The following MTSS2 variants were observed in gnomAD, a reference collection of about 807,000 sequenced individuals.
MTSS2 encodes protein MTSS 2.
MTSS2 carries 27 observed loss-of-function variants against 67.1 expected under a neutral mutation model. The ratio of observed to expected loss-of-function variants is 0.40; its 90% CI spans 0.30 to 0.55. The LOEUF is 0.55. MTSS2 is among the 20% of genes least tolerant of loss of function. The probability of loss-of-function intolerance (pLI) is 0.43; values close to 1 mark genes in which losing one functional copy is unlikely to be tolerated. For synonymous variants in MTSS2, 624 were observed against 468.6 expected (o/e 1.33, Z -4.28); for missense variants, 1,171 against 1,067.8 (o/e 1.10, Z -1.35).
chr16:70,663,463 C>T lies in MTSS2; in HGVS notation c.*214G>A. 1.1e-6 allele frequency: 1 copy of T among 885,016 alleles called. No individual in the cohort carries two copies. Among genetic ancestry groups the T allele is most frequent in the Non-Finnish European group, 1.6e-6 (1 of 612,954 alleles). The allele number at this position is 885,016 out of a possible 1,614,324, so 54.8% of individuals were successfully genotyped here. On this transcript the variant is annotated 3_prime_UTR_variant, in exon 15 of 15. Coordinates refer to ENST00000338779, the MANE Select transcript of MTSS2 (RefSeq NM_138383.3). ...CATAAAACAGACCCCGAACCAGGCCCAGGCCTGCAGGCTCCGTCCTGGCCA... is the reference window on the plus strand; with the variant it reads ...CATAAAACAGACCCCGAACCAGGCCTAGGCCTGCAGGCTCCGTCCTGGCCA...
At position 70,685,743 on chromosome 16, in the gene MTSS2, C is replaced by G; in HGVS notation, c.49G>C (p.Ala17Pro). The change falls in exon 1 of 15, where the codon GCC becomes CCC. Residue 17 changes from alanine to proline, a missense_variant. Ala to Pro is a conservative substitution (Grantham distance 27, BLOSUM62 -1). Around this residue, in one of 2 missense-constraint regions of MTSS2, gnomAD observed 247 missense variants for 311.8 expected, o/e 0.79. Coordinates refer to ENST00000338779, the MANE Select transcript of MTSS2 (RefSeq NM_138383.3). Reference sequence around the variant, plus strand: ...GTTACCTTCATGTCGTTGACTATGGCCTGGAAGAGCCCGCCCAGGGCGCCG... The same window carrying G: ...GTTACCTTCATGTCGTTGACTATGGGCTGGAAGAGCCCGCCCAGGGCGCCG... ...ECGALGGLFQ[A>P]IVNDMKSSYP... 2 of 1,393,988 alleles carry G rather than the reference C, an allele frequency of 1.4e-6. No homozygotes were observed. The highest frequency in any genetic ancestry group is 1.9e-6 in the Non-Finnish European group (2 of 1,054,196). The allele number at this position is 1,393,988 out of a possible 1,614,324, so 86.4% of individuals were successfully genotyped here. A position where few individuals can be genotyped will look rare whatever the true frequency, so the allele number is the denominator to read the frequency against.
chr16:70,681,673 G>A (rs1007469020), intron 1 of MTSS2, among the ~76,000 whole-genome samples: 1 of 152,258 alleles, frequency 6.6e-6, no homozygotes, highest in South Asian at 2.1e-4. Context: ...GCGGCCAACA[G>A]AGCCACCTTT....
chr16:70,679,269 C>CGACAAG, intron 7 of MTSS2, 46 bp downstream of exon 7: 1 of 1,610,924 alleles, frequency 6.2e-7, no homozygotes. Context: ...CAGACAAATG[C>CGACAAG]GACAAGGACG....
At chr16:70,676,018 G>A (rs945829767) in intron 10 of MTSS2, among the ~76,000 whole-genome samples, 1 of 152,184 alleles carries the variant, frequency 6.6e-6, no homozygotes, top group African/African-American at 2.4e-5. Context: ...ACTGTGGGAC[G>A]GCCACCCACG....
At position 70,663,717 on chromosome 16, in the gene MTSS2, C is replaced by G; in HGVS notation, c.2204G>C (p.Arg735Thr). The G allele has an allele frequency of 6.3e-7, 1 of 1,585,994 alleles. No homozygotes were observed. The highest frequency in any genetic ancestry group is 8.6e-7 in the Non-Finnish European group (1 of 1,167,932). The part of the protein sequence containing the change: ...VAIRRGVRLR[R>T]TVTNDRSAPR... ...CGCCGACCTGTCGTTGGTGACGGTC[C>G]TGCGGAGCCGGACCCCACGCCGGAT... is the stretch of plus-strand genomic sequence containing the variant. Residue 735 changes from arginine to threonine, a missense_variant, in exon 15 of 15, where the codon AGG becomes ACG. Physicochemically the swap from Arg to Thr is moderately conservative, Grantham distance 71. Around this residue, in one of 2 missense-constraint regions of MTSS2, gnomAD observed 924 missense variants for 756.0 expected, o/e 1.22. Coordinates refer to ENST00000338779, the MANE Select transcript of MTSS2 (RefSeq NM_138383.3).
rs1348126692 is a variant in MTSS2, at chr16:70,679,771, C to T, written c.382+15G>A. 5.0e-6 allele frequency: 8 copies of T among 1,611,062 alleles called. No homozygotes were observed. In the South Asian group the frequency reaches 8.8e-5, roughly 18 times the overall value. On this transcript the variant is annotated intron_variant, in intron 5 of 14. Transcript: ENST00000338779. ...GGAGTGGGGGGTGGGAAGCCCGGCT[C>T]CGCGCCACCCTCACCTTTCGCGTGG...
rs1322511131 is a variant in MTSS2, at chr16:70,665,452, C to T, written c.1128+14G>A. On this transcript the variant is annotated intron_variant, in intron 12 of 14. Coordinates refer to ENST00000338779, the MANE Select transcript of MTSS2 (RefSeq NM_138383.3). ...AGCTGGTGACTGTCCTGGGGCCGGG[C>T]TGGGAGCACTGACCGAGGTGGGGGA... 2 of 1,550,380 alleles carry T rather than the reference C, an allele frequency of 1.3e-6. No individual in the cohort carries two copies. The highest frequency in any genetic ancestry group is 1.2e-5 in the South Asian group (1 of 84,036).
chr16:70,684,575 C>T (rs2053397495), intron 1 of MTSS2, among the ~76,000 whole-genome samples: 1 of 152,164 alleles, frequency 6.6e-6, no homozygotes. Flanking sequence ...TGGTGTCACC[C>T]CCATCCCTGG....
intron 1 of MTSS2, among the ~76,000 whole-genome samples, chr16:70,684,772 C>T (rs1323312630): frequency 3.3e-5 from 5 of 152,240 alleles, no homozygotes; most frequent in Admixed American, 3.3e-4. Flanking sequence ...CTGGCCCCCA[C>T]CCTATCACTG....
Position 70,676,387 on chromosome 16 carries a change from G to C in MTSS2, c.830+494C>G, listed in dbSNP as rs540610888. On this transcript the variant is annotated intron_variant, in intron 10 of 14. Coordinates refer to ENST00000338779, the MANE Select transcript of MTSS2 (RefSeq NM_138383.3). ...GAACCAGCTCTTAGGAGCCAGCCAG[G>C]CTGGAGTGTCCTATACCTTATGGCC... Among the ~76,000 whole-genome samples, 11 of 152,350 alleles carry C rather than the reference G, an allele frequency of 7.2e-5. No individual in the cohort carries two copies. In the East Asian group the frequency reaches 2.1e-3, roughly 29 times the overall value.
At chr16:70,682,000 G>A (rs2053318063) in intron 1 of MTSS2, among the ~76,000 whole-genome samples, 1 of 152,196 alleles carries the variant, frequency 6.6e-6, no homozygotes, top group African/African-American at 2.4e-5. Context: ...GGCTCTTCCT[G>A]AGGAAAGGGG....
chr16:70,679,924 G>A, intron 4 of MTSS2, 47 bp from the exon 5 acceptor site: 1 of 1,515,286 alleles, frequency 6.6e-7, no homozygotes, highest in Non-Finnish European at 8.8e-7. Context: ...GCTCCCCCGC[G>A]ACGCCCCGTC....
At chr16:70,670,569 T>C (rs1002509550) in intron 11 of MTSS2, among the ~76,000 whole-genome samples, 5 of 152,196 alleles carry the variant, frequency 3.3e-5, no homozygotes, top group Non-Finnish European at 7.3e-5. Flanking sequence ...ATGAGCATGA[T>C]CTATATTTCC....
intron 8 of MTSS2, 55 bp from the exon 9 acceptor site, chr16:70,677,954 C>G (rs2053174360): frequency 7.1e-7 from 1 of 1,401,868 alleles, no homozygotes; most frequent in East Asian, 2.5e-5. Context: ...GCCCGCCTGC[C>G]CAGCGCCCCT....
At position 70,680,034 on chromosome 16, in the gene MTSS2, G is replaced by A. The variant is rs745685404; in HGVS notation, c.227C>T (p.Ser76Leu). The A allele has an allele frequency of 2.0e-6, 3 of 1,536,904 alleles. No homozygotes were observed. Among genetic ancestry groups the A allele is most frequent in the African/African-American group, 1.4e-5 (1 of 70,874 alleles). ...GCGCATGCACATGCGTGTGAGCGCCGAGCCGATGTCCCTCGTGGCCCCTGG... is the reference window on the plus strand; with the variant it reads ...GCGCATGCACATGCGTGTGAGCGCCAAGCCGATGTCCCTCGTGGCCCCTGG... The part of the protein sequence containing the change: ...NTRGATRDIG[S>L]ALTRMCMRHR... The change falls in exon 4 of 15, where the codon TCG (serine) becomes TTG (leucine). Residue 76 changes from serine (S) to leucine (L), a missense_variant. Physicochemically the swap from Ser to Leu is moderately radical, Grantham distance 145. This residue lies in a region of MTSS2 where 247 missense variants were observed against 311.8 expected (regional missense o/e 0.79). Coordinates refer to ENST00000338779, the MANE Select transcript of MTSS2 (RefSeq NM_138383.3).
At position 70,678,502 on chromosome 16, in the gene MTSS2, G is replaced by A. The variant is rs527935597; in HGVS notation, c.467-93C>T. Reference sequence around the variant, plus strand: ...TCAGACCCTGGTGGTGGCATCTCTCGGCCGTTGGGCTGGGTGTTGCCCTGG... The same window carrying A: ...TCAGACCCTGGTGGTGGCATCTCTCAGCCGTTGGGCTGGGTGTTGCCCTGG... On this transcript the variant is annotated intron_variant, in intron 7 of 14. Transcript: ENST00000338779. 2.8e-6 allele frequency: 4 copies of A among 1,448,340 alleles called. No individual in the cohort carries two copies. The South Asian group carries it at 4.1e-5, about 15-fold the overall frequency. The allele number at this position is 1,448,340 out of a possible 1,614,324, so 89.7% of individuals were successfully genotyped here.
rs1412302728 is a variant in MTSS2 at position 70,685,762 on chromosome 16, G to A, written c.30C>T (p.Ala10=). The A allele has an allele frequency of 2.2e-6, 3 of 1,392,868 alleles. No homozygotes were observed. The highest frequency in any genetic ancestry group is 1.5e-5 in the African/African-American group (1 of 66,304). 86.3% of individuals were successfully genotyped at this position (1,392,868 alleles called of 1,614,324 possible). A position where few individuals can be genotyped will look rare whatever the true frequency, so the allele number is the denominator to read the frequency against. Residue 10 remains alanine, a synonymous_variant, in exon 1 of 15, where the codon GCC becomes GCT. Transcript: ENST00000338779. ...CTATGGCCTGGAAGAGCCCGCCCAG[G>A]GCGCCGCACTCCTTCTCCGCCGTCT... is the stretch of plus-strand genomic sequence containing the variant. METAEKECG[A]LGGLFQAIVN... is the part of the protein sequence containing the mutation.
chr16:70,678,742 C>T (rs1028625120), intron 7 of MTSS2, among the ~76,000 whole-genome samples: 5 of 152,312 alleles, frequency 3.3e-5, no homozygotes, highest in South Asian at 4.1e-4. Flanking sequence ...CTCACTGACC[C>T]GGGATGGCGC....
intron 11 of MTSS2, chr16:70,665,961 C>T (rs145806584): frequency 5.3e-5 from 9 of 168,810 alleles, no homozygotes; most frequent in Middle Eastern, 2.8e-3. Context: ...GAGCACTGAG[C>T]TGAGCTGCCT....
Sources: gnomAD v4.1 joint callset for allele counts (sites outside exome capture counted in the v4.1 genomes callset) on GRCh38, gnomAD v4.1.1 for gene constraint, gnomAD v4.1.1 regional missense constraint, MANE v1.5 for transcripts, NCBI Gene and HGNC (gene_info 2026-07-23, HGNC 2026-07-21) for gene names.